Variants in COL4A4 observed in about 807,000 individuals in gnomAD.
COL4A4 encodes the protein collagen alpha-4(IV) chain.
A neutral mutation model predicts 192.9 loss-of-function variants in COL4A4; 105 were observed. That is an observed-to-expected ratio of 0.54 (90% CI 0.46 to 0.64). The LOEUF (loss-of-function observed/expected upper bound fraction) is 0.64. Ranked by LOEUF, COL4A4 falls within the 30% of genes least tolerant of loss-of-function variation. The pLI is 0.00. For missense variants in COL4A4, 1,967 were observed against 2,169.3 expected (o/e 0.91, Z 1.85); for synonymous variants, 762 against 769.9 (o/e 0.99, Z 0.17).
chr2:227,030,624 A>G (rs750204769), intron 40 of COL4A4, 26 bp from the exon 41 acceptor site: 3 of 1,556,672 alleles, frequency 1.9e-6, no homozygotes, highest in Non-Finnish European at 2.6e-6. Flanking sequence ...AGACAAAAAT[A>G]TTCTTTTAGT....
intron 42 of COL4A4, among the ~76,000 whole-genome samples, chr2:227,027,221 C>T (rs1967031277): frequency 6.8e-6 from 1 of 147,938 alleles, no homozygotes; most frequent in African/African-American, 2.5e-5. Flanking sequence ...CACTGCACTC[C>T]AGCCTGGATG....
intron 25 of COL4A4, among the ~76,000 whole-genome samples, chr2:227,071,261 GA>G (rs976875799): frequency 6.6e-6 from 1 of 151,928 alleles, no homozygotes; most frequent in African/African-American, 2.4e-5. Flanking sequence ...TCTTGTATCA[GA>G]AAAAACAAAC....
rs900252227 is a variant in COL4A4 at position 227,052,375 on chromosome 2, A to T, written c.2898T>A (p.Ala966=). 2 of 1,612,566 alleles carry T rather than the reference A, an allele frequency of 1.2e-6. No homozygotes were observed. The highest frequency in any genetic ancestry group is 2.7e-5 in the African/African-American group (2 of 74,888). ...CAGGTGTTCCCTTTTGTGAAATGAT[A>T]GCCATTTCTCCTTCATCTCCGGGAG... ...IGPPGDEGEM[A]IISQKGTPGE... is the part of the protein sequence containing the mutation. Residue 966 remains alanine, a synonymous_variant, in exon 32 of 48, where the codon GCT becomes GCA. Transcript: ENST00000396625.
chr2:227,114,429 T>C, intron 8 of COL4A4, 199 bp downstream of exon 8: 1 of 674,566 alleles, frequency 1.5e-6, no homozygotes, highest in Non-Finnish European at 2.7e-6. Context: ...AATGGAATTT[T>C]ACAGTGCTGG....
rs754288940 is a variant in COL4A4, at chr2:227,041,832, GAA to G, written c.3505+314_3505+315del. Among the ~76,000 whole-genome samples the G allele has an allele frequency of 0.023, 1,094 of 46,986 alleles. 18 individuals are homozygous for G. Among genetic ancestry groups the G allele is most frequent in the Admixed American group, 0.03 (127 of 4,242 alleles). 30.8% of individuals were successfully genotyped at this position (46,986 alleles called of 152,430 possible). The stretch of plus-strand genomic sequence containing the variant: ...AGAAAGAAAGAAAGAAAGAAAGAAA[GAA>G]AGAAAGAAAGAAAGAGAAAGAAAGA... On this transcript the variant is annotated intron_variant, in intron 37 of 47. Coordinates refer to ENST00000396625, the MANE Select transcript of COL4A4 (RefSeq NM_000092.5).
intron 37 of COL4A4, among the ~76,000 whole-genome samples, chr2:227,037,375 G>A (rs1348123714): frequency 6.6e-6 from 1 of 152,050 alleles, no homozygotes; most frequent in Non-Finnish European, 1.5e-5. Context: ...TGAGAATGAT[G>A]GTTTTCAGCT....
chr2:227,077,226 C>A (rs570057828), intron 25 of COL4A4, among the ~76,000 whole-genome samples: 1 of 152,238 alleles, frequency 6.6e-6, no homozygotes, highest in Admixed American at 6.5e-5. Flanking sequence ...ATAGCAAAGA[C>A]TTGGAACCAA....
At chr2:227,001,166 C>T (rs1212670967), downstream of COL4A4, among the ~76,000 whole-genome samples, 1 of 151,566 alleles carries the variant, frequency 6.6e-6, no homozygotes, top group Non-Finnish European at 1.5e-5. Context: ...ACGATCTTAG[C>T]TCACTGCAAA....
At chr2:227,150,745 A>G (rs374968206) in intron 1 of COL4A4, among the ~76,000 whole-genome samples, 8 of 152,154 alleles carry the variant, frequency 5.3e-5, no homozygotes, top group East Asian at 1.9e-4. Flanking sequence ...ATAACCATCA[A>G]ATCTCCTGAG....
Position 227,059,323 on chromosome 2 carries a change from A to C in COL4A4, c.2383+82T>G. The C allele has an allele frequency of 5.0e-6, 6 of 1,206,518 alleles. No homozygotes were observed. The South Asian group carries it at 7.3e-5, about 15-fold the overall frequency. 74.7% of individuals were successfully genotyped at this position (1,206,518 alleles called of 1,614,324 possible). On this transcript the variant is annotated intron_variant, in intron 28 of 47. Coordinates refer to ENST00000396625, the MANE Select transcript of COL4A4 (RefSeq NM_000092.5). Reference sequence around the variant, plus strand: ...TGTTTATATTCTACATGCCTAAAGCAAAATAATCTAAACGTTCTTCAGTGA... The same window carrying C: ...TGTTTATATTCTACATGCCTAAAGCCAAATAATCTAAACGTTCTTCAGTGA...
At chr2:227,017,371 A>G (rs569769144) in intron 44 of COL4A4, among the ~76,000 whole-genome samples, 16 of 152,318 alleles carry the variant, frequency 1.1e-4, no homozygotes, top group African/African-American at 3.4e-4. Flanking sequence ...CACCTTACGG[A>G]CTTGTTCCCT....
At chr2:226,988,457 T>G in the COL4A4 span, 1 of 1,549,024 alleles carries the variant, frequency 6.5e-7, no homozygotes. Flanking sequence ...AGGAATCCTT[T>G]GAGGCTGCAG....
At chr2:227,061,230 C>T (rs985136237) in intron 26 of COL4A4, among the ~76,000 whole-genome samples, 4 of 152,164 alleles carry the variant, frequency 2.6e-5, no homozygotes, top group African/African-American at 7.2e-5. Flanking sequence ...ACGTTCAATC[C>T]GTCAACCTGC....
intron 37 of COL4A4, among the ~76,000 whole-genome samples, chr2:227,041,847 AG>A (rs1474460286): frequency 2.7e-5 from 1 of 36,570 alleles, no homozygotes; most frequent in African/African-American, 1.6e-4. Context: ...AAAGAAAGAA[AG>A]AGAAAGAAAG....
the COL4A4 span, among the ~76,000 whole-genome samples, chr2:226,985,066 A>G: frequency 7.9e-5 from 12 of 152,276 alleles, no homozygotes; most frequent in African/African-American, 2.6e-4. Context: ...GTATTACTGC[A>G]TCCAGGATTG....
At chr2:227,151,834 G>A (rs1214463337) in intron 1 of COL4A4, among the ~76,000 whole-genome samples, 1 of 152,198 alleles carries the variant, frequency 6.6e-6, no homozygotes, top group Non-Finnish European at 1.5e-5. Context: ...CATCTGTAAA[G>A]CAGAAAGCAG....
chr2:227,103,120 A>G, intron 14 of COL4A4, 24 bp downstream of exon 14: 2 of 1,599,706 alleles, frequency 1.3e-6, no homozygotes, highest in Non-Finnish European at 1.7e-6. Flanking sequence ...AAATGAAAAA[A>G]AAAAAGGTAC....
intron 25 of COL4A4, among the ~76,000 whole-genome samples, chr2:227,063,147 T>G (rs1977559031): frequency 6.6e-6 from 1 of 152,190 alleles, no homozygotes; most frequent in African/African-American, 2.4e-5. Context: ...GTCTCATTTT[T>G]CTAATGACTT....
At chr2:227,041,848 G>GAAAGAGAAAGAAAGAGAA (rs1243663359) in intron 37 of COL4A4, among the ~76,000 whole-genome samples, 7 of 38,736 alleles carry the variant, frequency 1.8e-4, no homozygotes, top group African/African-American at 6.1e-4. Context: ...AAGAAAGAAA[G>GAAAGAGAAAGAAAGAGAA]AGAAAGAAAG....
Sources: gnomAD v4.1 joint callset for allele counts (sites outside exome capture counted in the v4.1 genomes callset) on GRCh38, gnomAD v4.1.1 for gene constraint, MANE v1.5 for transcripts, NCBI Gene and HGNC (gene_info 2026-07-23, HGNC 2026-07-21) for gene names.